The following SH3GL2 variants were observed in gnomAD, a reference collection of about 807,000 sequenced individuals.
SH3GL2 encodes endophilin-A1.
A neutral mutation model predicts 46.0 loss-of-function variants in SH3GL2; 24 were observed. The observed-to-expected ratio is 0.52, with a 90% CI of 0.38 to 0.73. SH3GL2 has a LOEUF of 0.73. SH3GL2 is among the 30% of genes least tolerant of loss of function. The pLI is 0.00. For missense variants in SH3GL2, 413 were observed against 424.2 expected (o/e 0.97, Z 0.23); for synonymous variants, 196 against 147.1 (o/e 1.33, Z -2.40).
chr9:17,675,741 T>G (rs900135003), intron 1 of SH3GL2, among the ~76,000 whole-genome samples: 1 of 152,134 alleles, frequency 6.6e-6, no homozygotes, highest in Non-Finnish European at 1.5e-5. Context: ...GGTCAGGAGA[T>G]TGAGACCATC....
At chr9:17,621,154 C>T (rs1258621238) in intron 1 of SH3GL2, among the ~76,000 whole-genome samples, 14 of 152,126 alleles carry the variant, frequency 9.2e-5, no homozygotes, top group Non-Finnish European at 1.5e-5. Context: ...GTAGTTGTAT[C>T]ATGATTTGGG....
At chr9:17,626,437 T>G (rs1819283028) in intron 1 of SH3GL2, among the ~76,000 whole-genome samples, 1 of 152,244 alleles carries the variant, frequency 6.6e-6, no homozygotes, top group South Asian at 2.1e-4. Flanking sequence ...CTAGTTGGAC[T>G]GTGTCCTCAT....
intron 1 of SH3GL2, among the ~76,000 whole-genome samples, chr9:17,594,145 C>T (rs1818531306): frequency 6.6e-6 from 1 of 152,184 alleles, no homozygotes; most frequent in South Asian, 2.1e-4. Flanking sequence ...GGATAGGTCC[C>T]TCTGAAGTCC....
At chr9:17,636,323 A>G (rs1819543068) in intron 1 of SH3GL2, among the ~76,000 whole-genome samples, 2 of 152,188 alleles carry the variant, frequency 1.3e-5, no homozygotes, top group South Asian at 2.1e-4. Flanking sequence ...CTGTGTTCTA[A>G]TAACCTGCCT....
At chr9:17,649,681 C>G (rs1038685075) in intron 1 of SH3GL2, among the ~76,000 whole-genome samples, 2 of 152,138 alleles carry the variant, frequency 1.3e-5, no homozygotes, top group Admixed American at 1.3e-4. Context: ...TTTCTTTTGG[C>G]AAATACACGT....
intron 1 of SH3GL2, among the ~76,000 whole-genome samples, chr9:17,692,848 G>A (rs1041636529): frequency 6.6e-6 from 1 of 152,094 alleles, no homozygotes; most frequent in Admixed American, 6.6e-5. Flanking sequence ...ATGGTGGGAG[G>A]TAAAAGGCAC....
chr9:17,611,356 A>G (rs1818862274), intron 1 of SH3GL2, among the ~76,000 whole-genome samples: 1 of 152,152 alleles, frequency 6.6e-6, no homozygotes, highest in South Asian at 2.1e-4. Context: ...TTTGGTTGAA[A>G]TTGTTCGTGG....
rs547749931 is a variant in SH3GL2 at position 17,611,052 on chromosome 9, G to C, written c.45+31765G>C. Among the ~76,000 whole-genome samples, 366 of 152,240 alleles carry C rather than the reference G, an allele frequency of 2.4e-3. 4 individuals are homozygous for C. The highest frequency in any genetic ancestry group is 1.5e-3 in the South Asian group (7 of 4,818). ...ACTGGATTTTTCTATATTTCTCTGA[G>C]AGTTATTCATTGTGACAGATTTTGT... On this transcript the variant is annotated intron_variant, in intron 1 of 8. Transcript: ENST00000380607.
At chr9:17,601,656 G>C (rs892764437) in intron 1 of SH3GL2, among the ~76,000 whole-genome samples, 4 of 152,140 alleles carry the variant, frequency 2.6e-5, no homozygotes, top group African/African-American at 9.7e-5. Flanking sequence ...ATTTTTTGTA[G>C]GGATAGCAGA....
chr9:17,589,055 G>A (rs1818430925), intron 1 of SH3GL2: 1 of 152,200 alleles, frequency 6.6e-6, no homozygotes, highest in South Asian at 2.1e-4. Context: ...TAATCTATTT[G>A]TGAGCTTGTA....
chr9:17,752,877 T>C (rs865911550), intron 2 of SH3GL2, among the ~76,000 whole-genome samples: 1 of 152,082 alleles, frequency 6.6e-6, no homozygotes, highest in Non-Finnish European at 1.5e-5. Flanking sequence ...CACCCTCCAA[T>C]AGGTCCCAGT....
At chr9:17,705,680 T>C (rs550716720) in intron 1 of SH3GL2, among the ~76,000 whole-genome samples, 1 of 152,158 alleles carries the variant, frequency 6.6e-6, no homozygotes, top group South Asian at 2.1e-4. Flanking sequence ...GAGGCCGTTA[T>C]TCTGAGTGAA....
intron 1 of SH3GL2, among the ~76,000 whole-genome samples, chr9:17,704,753 C>A (rs780114391): frequency 4.6e-5 from 7 of 152,008 alleles, no homozygotes; most frequent in Non-Finnish European, 8.8e-5. Context: ...TGAAACTATA[C>A]CCCTTCCTTA....
chr9:17,639,175 A>G (rs987607026), intron 1 of SH3GL2, among the ~76,000 whole-genome samples: 1 of 152,360 alleles, frequency 6.6e-6, no homozygotes, highest in East Asian at 1.9e-4. Flanking sequence ...TTTAAAAGAC[A>G]TGGAAGGCAT....
chr9:17,788,854 C>T (rs1314723165), intron 5 of SH3GL2, among the ~76,000 whole-genome samples: 1 of 152,146 alleles, frequency 6.6e-6, no homozygotes, highest in East Asian at 1.9e-4. Flanking sequence ...GGCCCCCACC[C>T]TAGATATCGA....
chr9:17,638,585 G>A (rs1269913868), intron 1 of SH3GL2, among the ~76,000 whole-genome samples: 1 of 152,196 alleles, frequency 6.6e-6, no homozygotes, highest in Non-Finnish European at 1.5e-5. Context: ...TGTATAAGCT[G>A]AGGCTTAAAG....
chr9:17,766,676 G>GT lies in SH3GL2; in HGVS notation c.187+5175dup, dbSNP rs200763414. Reference sequence around the variant, plus strand: ...ATTAAAAATTATTGAGATATTCTATGTTTTTTTTCATACTCTGGATTTCGG... The same window carrying GT: ...ATTAAAAATTATTGAGATATTCTATGTTTTTTTTTCATACTCTGGATTTCGG... On this transcript the variant is annotated intron_variant, in intron 3 of 8. Coordinates refer to ENST00000380607, the MANE Select transcript of SH3GL2 (RefSeq NM_003026.5). Among the ~76,000 whole-genome samples the GT allele has an allele frequency of 7.1e-3, 1,085 of 151,792 alleles. 7 individuals are homozygous for GT. Among genetic ancestry groups the GT allele is most frequent in the Middle Eastern group, 0.014 (4 of 292 alleles).
chr9:17,775,340 A>G (rs555187695), intron 3 of SH3GL2, among the ~76,000 whole-genome samples: 1 of 152,310 alleles, frequency 6.6e-6, no homozygotes, highest in East Asian at 1.9e-4. Flanking sequence ...AATAGCCGTC[A>G]ACTGTAATTT....
intron 1 of SH3GL2, among the ~76,000 whole-genome samples, chr9:17,695,541 C>G (rs1821181379): frequency 6.6e-6 from 1 of 152,126 alleles, no homozygotes; most frequent in Admixed American, 6.5e-5. Flanking sequence ...ATATACTCCT[C>G]AGATGGCAAC....
Sources: allele counts gnomAD v4.1 joint callset (sites outside exome capture counted in the v4.1 genomes callset), GRCh38; gene constraint gnomAD v4.1.1; transcripts MANE v1.5; gene names NCBI Gene and HGNC (gene_info 2026-07-23, HGNC 2026-07-21).